The following ARMC3 variants were observed in gnomAD, a reference collection of about 807,000 sequenced individuals.
ARMC3 encodes the protein armadillo repeat containing 3, also known as armadillo repeat-containing protein 3.
In ARMC3, 74 loss-of-function variants were observed where a neutral mutation model predicts 90.3. That is an observed-to-expected ratio of 0.82 (90% confidence interval 0.68 to 0.99). The LOEUF (loss-of-function observed/expected upper bound fraction) is 0.99, where lower values mean the gene tolerates loss of function less well. ARMC3 is among the 50% of genes least tolerant of loss of function. The pLI is 0.00. For synonymous variants in ARMC3, 334 were observed against 361.8 expected (o/e 0.92, Z 0.87); for missense variants, 958 against 1,042.8 (o/e 0.92, Z 1.12).
Position 22,998,232 on chromosome 10 carries a change from A to G in ARMC3, c.1260A>G (p.Thr420=), listed in dbSNP as rs2131402724. The G allele has an allele frequency of 6.2e-7, 1 of 1,613,102 alleles. No homozygotes were observed. Among genetic ancestry groups the G allele is most frequent in the Non-Finnish European group, 8.5e-7 (1 of 1,179,474 alleles). Residue 420 remains threonine, a synonymous_variant, in exon 11 of 19, where the codon ACA becomes ACG. Coordinates refer to ENST00000298032, the MANE Select transcript of ARMC3 (RefSeq NM_173081.5). ...ATGGAGCCATTGCCAACGCTGCTAC[A>G]GTATTAACAAACATGGCCATGCAGG... ...KRDGAIANAA[T]VLTNMAMQEP...
chr10:23,017,108 TA>T (rs1443928089), intron 16 of ARMC3, among the ~76,000 whole-genome samples: 1 of 152,110 alleles, frequency 6.6e-6, no homozygotes, highest in Non-Finnish European at 1.5e-5. Context: ...AGAAAGGGGT[TA>T]AGATGATCTC....
intron 8 of ARMC3, among the ~76,000 whole-genome samples, chr10:22,970,320 T>G (rs562505960): frequency 5.8e-4 from 88 of 152,144 alleles, no homozygotes; most frequent in Admixed American, 1.2e-3. Context: ...AGGGATAACA[T>G]GGTAAGTTCC....
At chr10:22,957,333 T>A (rs1268392682) in intron 4 of ARMC3, among the ~76,000 whole-genome samples, 16 of 152,148 alleles carry the variant, frequency 1.1e-4, no homozygotes, top group Admixed American at 1.0e-3. Flanking sequence ...TTGTGTGGCG[T>A]CTGTGCCATT....
At chr10:22,970,314 A>T (rs1310597456) in intron 8 of ARMC3, among the ~76,000 whole-genome samples, 3 of 152,242 alleles carry the variant, frequency 2.0e-5, no homozygotes, top group Non-Finnish European at 2.9e-5. Context: ...CAGAGGAGGG[A>T]TAACATGGTA....
chr10:23,017,601 C>T (rs1838335178), intron 16 of ARMC3, among the ~76,000 whole-genome samples: 1 of 152,180 alleles, frequency 6.6e-6, no homozygotes, highest in Non-Finnish European at 1.5e-5. Context: ...CCTGTCTCTA[C>T]TAAAAATACA....
intron 13 of ARMC3, among the ~76,000 whole-genome samples, chr10:23,005,310 A>T (rs1194239339): frequency 6.6e-6 from 1 of 152,178 alleles, no homozygotes; most frequent in Non-Finnish European, 1.5e-5. Flanking sequence ...TTACCAGGAA[A>T]ACCTTGCCAT....
intron 8 of ARMC3, among the ~76,000 whole-genome samples, chr10:22,968,960 G>A (rs1421461268): frequency 1.3e-5 from 2 of 152,076 alleles, no homozygotes; most frequent in Non-Finnish European, 2.9e-5. Context: ...AGATTTGTCA[G>A]GGATATGAAG....
At chr10:23,014,365 GTAGAT>G in intron 16 of ARMC3, 1 of 1,305,788 alleles carries the variant, frequency 7.7e-7, no homozygotes, top group Non-Finnish European at 9.8e-7. Context: ...CCATTGAGGG[GTAGAT>G]TAGCCATAGC....
rs538913225 is a variant in ARMC3 at position 22,982,581 on chromosome 10, G to A, written c.1175+881G>A. 2.4e-4 allele frequency among the ~76,000 whole-genome samples: 36 copies of A among 152,214 alleles called. 1 individual carries two copies. The South Asian group carries it at 6.6e-3, about 28-fold the overall frequency. Reference sequence around the variant, plus strand: ...ATTTTCCCAGGTACACATTTTTATCGAAATAGCTGAGCTGGAAATCGATGC... The same window carrying A: ...ATTTTCCCAGGTACACATTTTTATCAAAATAGCTGAGCTGGAAATCGATGC... On this transcript the variant is annotated intron_variant, in intron 10 of 18. Coordinates refer to ENST00000298032, the MANE Select transcript of ARMC3 (RefSeq NM_173081.5).
intron 17 of ARMC3, among the ~76,000 whole-genome samples, chr10:23,031,975 G>T (rs1259415919): frequency 6.6e-6 from 1 of 152,114 alleles, no homozygotes; most frequent in Non-Finnish European, 1.5e-5. Flanking sequence ...ATTTGGGCCA[G>T]GCACGCTAGC....
At chr10:22,942,146 T>G (rs974162990) in intron 2 of ARMC3, among the ~76,000 whole-genome samples, 4 of 152,138 alleles carry the variant, frequency 2.6e-5, no homozygotes, top group African/African-American at 9.7e-5. Flanking sequence ...GGGAGAAAGC[T>G]GATAAAGGGA....
intron 10 of ARMC3, among the ~76,000 whole-genome samples, chr10:22,990,988 GCCT>G (rs1344959666): frequency 2.0e-5 from 3 of 150,570 alleles, no homozygotes; most frequent in African/African-American, 7.4e-5. Context: ...TGCTTCCTCT[GCCT>G]CCTCCTCTCT....
At chr10:22,942,943 GAAACC>G (rs956828824) in intron 2 of ARMC3, among the ~76,000 whole-genome samples, 73 of 152,264 alleles carry the variant, frequency 4.8e-4, no homozygotes, top group African/African-American at 1.7e-3. Context: ...CTGAGCTAAA[GAAACC>G]AAATATGAAA....
At chr10:22,944,939 T>C (rs1834467450) in intron 2 of ARMC3, among the ~76,000 whole-genome samples, 1 of 152,202 alleles carries the variant, frequency 6.6e-6, no homozygotes, top group Admixed American at 6.6e-5. Flanking sequence ...TCTAAAAGGG[T>C]CTACGAGCTT....
At chr10:22,972,794 T>C (rs559695801) in intron 8 of ARMC3, among the ~76,000 whole-genome samples, 1 of 152,328 alleles carries the variant, frequency 6.6e-6, no homozygotes, top group African/African-American at 2.4e-5. Flanking sequence ...ACGAAAGCTA[T>C]TTTAAAAGTA....
chr10:23,010,942 T>TCCCTCCCCTCTCCTACCCTTCCTTC, intron 16 of ARMC3, among the ~76,000 whole-genome samples: 1 of 108,136 alleles, frequency 9.2e-6, no homozygotes. Context: ...TTCCTTCCTT[T>TCCCTCCCCTCTCCTACCCTTCCTTC]CCCTTCCCTT....
intron 16 of ARMC3, among the ~76,000 whole-genome samples, chr10:23,013,068 T>A (rs1010683354): frequency 3.3e-5 from 5 of 152,104 alleles, no homozygotes; most frequent in Non-Finnish European, 2.9e-5. Context: ...TTTATTTTTA[T>A]TTTTATTTTT....
In ARMC3 at chr10:23,037,525, G is replaced by A. The variant is rs1210658884; in HGVS notation, c.*46G>A. ...GAGGCTCAAACAAGAAATTCACTGT[G>A]TACACTCTCTAAGACATTCTCCAAA... is the stretch of plus-strand genomic sequence containing the variant. On this transcript the variant is annotated 3_prime_UTR_variant, in exon 19 of 19. Coordinates refer to ENST00000298032, the MANE Select transcript of ARMC3 (RefSeq NM_173081.5). 2 of 1,503,702 alleles carry A rather than the reference G, an allele frequency of 1.3e-6. No individual in the cohort carries two copies. Among genetic ancestry groups the A allele is most frequent in the South Asian group, 1.2e-5 (1 of 82,912 alleles). The allele number at this position is 1,503,702 out of a possible 1,614,324, so 93.1% of individuals were successfully genotyped here. A position where few individuals can be genotyped will look rare whatever the true frequency, so the allele number is the denominator to read the frequency against.
intron 10 of ARMC3, among the ~76,000 whole-genome samples, chr10:22,983,023 A>G (rs1043135133): frequency 2.0e-5 from 3 of 152,250 alleles, no homozygotes; most frequent in Non-Finnish European, 4.4e-5. Flanking sequence ...ATTAAGGGTC[A>G]TCATTATCTC....
Sources: allele counts gnomAD v4.1 joint callset (sites outside exome capture counted in the v4.1 genomes callset), GRCh38; gene constraint gnomAD v4.1.1; transcripts MANE v1.5; gene names NCBI Gene and HGNC (gene_info 2026-07-23, HGNC 2026-07-21).